Variants in PTPRC observed in about 807,000 individuals in gnomAD.
The protein encoded by PTPRC is protein tyrosine phosphatase receptor type C.
Under a neutral mutation model 155.9 loss-of-function variants are expected in PTPRC, and 44 were observed. That is an observed-to-expected ratio of 0.28 (90% CI 0.22 to 0.36). The LOEUF (loss-of-function observed/expected upper bound fraction) is 0.36. Ranked by LOEUF, PTPRC falls within the 10% of genes least tolerant of loss-of-function variation. The pLI, the probability that PTPRC is intolerant of heterozygous loss-of-function variation, is 1.00. For synonymous variants in PTPRC, 525 were observed against 533.1 expected (o/e 0.98, Z 0.21); for missense variants, 1,401 against 1,564.6 (o/e 0.90, Z 1.76).
intron 25 of PTPRC, 66 bp downstream of exon 25, chr1:198,742,433 T>C: frequency 6.3e-7 from 1 of 1,577,974 alleles, no homozygotes; most frequent in Admixed American, 1.7e-5. Context: ...TTCCAAGTGA[T>C]AATAATGATA....
Position 198,660,360 on chromosome 1 carries a change from T to C in PTPRC, c.73+21019T>C, listed in dbSNP as rs1663886538. On this transcript the variant is annotated intron_variant, in intron 2 of 32. Coordinates refer to ENST00000442510, the MANE Select transcript of PTPRC (RefSeq NM_002838.5). ...TCATATGCTTATTATTTACATTTCC[T>C]TTGTGAATTGTGTTCCTATGATTTG... Among the ~76,000 whole-genome samples the C allele has an allele frequency of 2.0e-5, 3 of 152,148 alleles. No homozygotes were observed. In the South Asian group the frequency reaches 6.2e-4, roughly 31 times the overall value.
At chr1:198,679,075 A>G in intron 2 of PTPRC, 1 of 174,160 alleles carries the variant, frequency 5.7e-6, no homozygotes, top group Non-Finnish European at 1.2e-5. Flanking sequence ...TACATGCAAC[A>G]CTGAACTGGA....
chr1:198,711,251 A>G (rs77939461), intron 11 of PTPRC, among the ~76,000 whole-genome samples: 13,687 of 152,276 alleles, frequency 0.09, 807 homozygotes, highest in Non-Finnish European at 0.13. Context: ...TGTAAAAACT[A>G]TATCCTCAGC....
chr1:198,706,613 G>GT lies in PTPRC; in HGVS notation c.686-115dup. On this transcript the variant is annotated intron_variant, in intron 8 of 32. Coordinates refer to ENST00000442510, the MANE Select transcript of PTPRC (RefSeq NM_002838.5). ...AAAATGATATGGAGGCACCTAATGT[G>GT]TTTTTTCTTTTTCATGTTTTTTGGG... The GT allele has an allele frequency of 4.5e-6, 5 of 1,105,972 alleles. No individual in the cohort carries two copies. The South Asian group carries it at 6.1e-5, about 13-fold the overall frequency. 68.5% of individuals were successfully genotyped at this position (1,105,972 alleles called of 1,614,324 possible).
At chr1:198,679,965 A>T in intron 2 of PTPRC, 1 of 626,470 alleles carries the variant, frequency 1.6e-6, no homozygotes, top group Non-Finnish European at 2.9e-6. Flanking sequence ...CGTAGGCGAC[A>T]TGCAGCGAGT....
intron 2 of PTPRC, among the ~76,000 whole-genome samples, chr1:198,687,854 T>G (rs1665717496): frequency 6.6e-6 from 1 of 152,308 alleles, no homozygotes; most frequent in East Asian, 1.9e-4. Context: ...TTAAAGTAGT[T>G]TTTAATTTAA....
Position 198,741,860 on chromosome 1 carries a change from C to A in PTPRC, c.2404-9C>A, listed in dbSNP as rs1654913516. 6.2e-7 allele frequency: 1 copy of A among 1,610,286 alleles called. No individual in the cohort carries two copies. The highest frequency in any genetic ancestry group is 1.1e-5 in the South Asian group (1 of 90,940). On this transcript the variant is annotated splice_polypyrimidine_tract_variant and intron_variant, in intron 23 of 32. Coordinates refer to ENST00000442510, the MANE Select transcript of PTPRC (RefSeq NM_002838.5). ...AATCATCTCAAAGAAAATATTATCT[C>A]TTGACTAGAAAAAAGAAAAAGCAAC...
chr1:198,639,481 G>C, intron 2 of PTPRC, 140 bp downstream of exon 2: 6 of 662,278 alleles, frequency 9.1e-6, no homozygotes, highest in Non-Finnish European at 1.6e-5. Context: ...TGTTGTCTCA[G>C]GGAGACATAG....
intron 2 of PTPRC, among the ~76,000 whole-genome samples, chr1:198,653,563 T>G (rs1663375700): frequency 6.6e-6 from 1 of 151,848 alleles, no homozygotes; most frequent in Non-Finnish European, 1.5e-5. Flanking sequence ...TATAAACATC[T>G]GTATTTGCTA....
intron 2 of PTPRC, among the ~76,000 whole-genome samples, chr1:198,687,224 G>A (rs990020624): frequency 1.3e-5 from 2 of 152,106 alleles, no homozygotes; most frequent in Non-Finnish European, 2.9e-5. Context: ...TGGTTCAAGC[G>A]ATCCAGCTGC....
At chr1:198,684,938 C>CCT (rs1177575720) in intron 2 of PTPRC, among the ~76,000 whole-genome samples, 4 of 151,862 alleles carry the variant, frequency 2.6e-5, no homozygotes, top group African/African-American at 9.7e-5. Context: ...TAATAAAAGG[C>CCT]CTCAATAAAG....
chr1:198,731,656 C>G lies in PTPRC; in HGVS notation c.1904C>G (p.Ala635Gly). Residue 635 changes from alanine (A) to glycine (G), a missense_variant, in exon 18 of 33, where the codon GCA becomes GGA. By Grantham distance (60) the Ala-to-Gly change is moderately conservative. This residue lies in a region of PTPRC where 867 missense variants were observed against 970.4 expected (regional missense o/e 0.89). Transcript: ENST00000442510. The stretch of plus-strand genomic sequence containing the variant: ...CTGATGAATGTGGAGCCAATCCATG[C>G]AGATATTTTGTTGGAAACTTATAAG... ...KQLMNVEPIH[A>G]DILLETYKRK... The G allele has an allele frequency of 1.2e-6, 2 of 1,611,486 alleles. No individual in the cohort carries two copies. Among genetic ancestry groups the G allele is most frequent in the Non-Finnish European group, 1.7e-6 (2 of 1,178,124 alleles).
chr1:198,709,730 T>G lies in PTPRC; in HGVS notation c.1077T>G (p.Leu359=), dbSNP rs1210747543. ...ATAAAGAAATTAAATTAGAAAACCT[T>G]GAACCCGAACATGAGTATAAGTGTG... The part of the protein sequence containing the change: ...FDNKEIKLEN[L]EPEHEYKCDS... The change falls in exon 11 of 33, where the codon CTT becomes CTG. Residue 359 remains leucine, a synonymous_variant. Transcript: ENST00000442510. The G allele has an allele frequency of 6.2e-7, 1 of 1,605,220 alleles. No homozygotes were observed.
chr1:198,639,865 T>C (rs1308355834), intron 2 of PTPRC, among the ~76,000 whole-genome samples: 1 of 152,050 alleles, frequency 6.6e-6, no homozygotes, highest in Non-Finnish European at 1.5e-5. Context: ...AGTTCAAAAA[T>C]ATATTGAGAT....
chr1:198,703,434 A>G lies in PTPRC; in HGVS notation c.658+62A>G, dbSNP rs747304338. ...CATGTGCCTGGTGATGTGCTCTCAC[A>G]AGGGCCTTCCACCCACTCTACCTCG... On this transcript the variant is annotated intron_variant, in intron 7 of 32. Coordinates refer to ENST00000442510, the MANE Select transcript of PTPRC (RefSeq NM_002838.5). 58 of 1,605,902 alleles carry G rather than the reference A, an allele frequency of 3.6e-5. 1 individual carries two copies. The Middle Eastern group carries it at 2.0e-3, about 55-fold the overall frequency.
chr1:198,718,261 C>T lies in PTPRC; in HGVS notation c.1618C>T (p.Arg540Cys), dbSNP rs373995444. 2 of 1,613,858 alleles carry T rather than the reference C, an allele frequency of 1.2e-6. No individual in the cohort carries two copies. The highest frequency in any genetic ancestry group is 8.5e-7 in the Non-Finnish European group (1 of 1,179,902). The change falls in exon 14 of 33, where the codon CGT becomes TGT. Residue 540 changes from arginine to cysteine, a missense_variant. By Grantham distance (180) the Arg-to-Cys change is radical. Transcript: ENST00000442510. ...RNESHKNCDF[R>C]VKDLQYSTDY... is the part of the protein sequence containing the mutation. ...TGAGTCGCATAAGAATTGCGATTTCCGTGTAAAAGATCTTCAATATTCAAC... is the reference window on the plus strand; with the variant it reads ...TGAGTCGCATAAGAATTGCGATTTCTGTGTAAAAGATCTTCAATATTCAAC...
chr1:198,706,234 T>G (rs866018374), intron 8 of PTPRC, among the ~76,000 whole-genome samples: 2 of 152,212 alleles, frequency 1.3e-5, no homozygotes, highest in Non-Finnish European at 2.9e-5. Context: ...TTTACCCAAG[T>G]TAAGGAAAGA....
intron 2 of PTPRC, among the ~76,000 whole-genome samples, chr1:198,664,120 A>G (rs1163809702): frequency 6.6e-6 from 1 of 152,170 alleles, no homozygotes; most frequent in Non-Finnish European, 1.5e-5. Flanking sequence ...TATATCAAAT[A>G]AGTTTATATG....
intron 2 of PTPRC, among the ~76,000 whole-genome samples, chr1:198,659,999 A>C (rs1034723425): frequency 1.5e-4 from 21 of 137,872 alleles, no homozygotes; most frequent in African/African-American, 5.6e-4. Flanking sequence ...ATCTATATAA[A>C]TATATAGATA....
Sources: allele counts gnomAD v4.1 joint callset (sites outside exome capture counted in the v4.1 genomes callset), GRCh38; gene constraint gnomAD v4.1.1; regional missense constraint gnomAD v4.1.1; transcripts MANE v1.5; gene names NCBI Gene and HGNC (gene_info 2026-07-23, HGNC 2026-07-21).